VWDE: variants seen among roughly 807,000 people sequenced by gnomAD.
The protein encoded by VWDE is von Willebrand factor D and EGF domains.
A neutral mutation model predicts 178.4 loss-of-function variants in VWDE; 207 were observed. The ratio of observed to expected loss-of-function variants is 1.16; its 90% CI spans 1.04 to 1.30. The LOEUF (loss-of-function observed/expected upper bound fraction) is 1.30, where lower values mean the gene tolerates loss of function less well. Among genes scored for constraint, VWDE ranks in the 50% most tolerant of loss-of-function variants. The pLI, the probability that VWDE is intolerant of heterozygous loss-of-function variation, is 0.00. For synonymous variants in VWDE, 738 were observed against 651.4 expected (o/e 1.13, Z -2.02); for missense variants, 2,287 against 1,901.3 (o/e 1.20, Z -3.77).
Position 12,344,320 on chromosome 7 carries a change from A to AT in VWDE, c.3983-31dup, listed in dbSNP as rs767685497. ...ATAAAATAAAGCCCAAGTTTTAGAC[A>AT]TATCAATTACCAAATACAATTTATC... On this transcript the variant is annotated intron_variant, in intron 20 of 28. Transcript: ENST00000275358. 8.4e-6 allele frequency: 13 copies of AT among 1,550,294 alleles called. No individual in the cohort carries two copies. In the Admixed American group the frequency reaches 2.6e-4, roughly 30 times the overall value.
At chr7:12,382,370 T>C (rs948223797) in intron 4 of VWDE, among the ~76,000 whole-genome samples, 3 of 151,876 alleles carry the variant, frequency 2.0e-5, no homozygotes, top group Non-Finnish European at 2.9e-5. Context: ...TATTGTTTTA[T>C]TACTTTGTGA....
At chr7:12,391,146 A>G (rs1331135676) in intron 2 of VWDE, among the ~76,000 whole-genome samples, 4 of 152,234 alleles carry the variant, frequency 2.6e-5, no homozygotes, top group Non-Finnish European at 5.9e-5. Context: ...GAACATTACG[A>G]AATATAAATA....
rs148212383 is a variant in VWDE, at chr7:12,353,489, A to T, written c.3746-1776T>A. Reference sequence around the variant, plus strand: ...ACACACCCATTCACTAAAATCAAACACTTAAAACTTAATGAATCTCTTTCT... The same window carrying T: ...ACACACCCATTCACTAAAATCAAACTCTTAAAACTTAATGAATCTCTTTCT... On this transcript the variant is annotated intron_variant, in intron 18 of 28. Coordinates refer to ENST00000275358, the MANE Select transcript of VWDE (RefSeq NM_001135924.3). 3.4e-3 allele frequency among the ~76,000 whole-genome samples: 524 copies of T among 152,288 alleles called. 2 individuals carry two copies. The highest frequency in any genetic ancestry group is 6.1e-3 in the Non-Finnish European group (416 of 68,030).
intron 19 of VWDE, among the ~76,000 whole-genome samples, chr7:12,350,884 T>G (rs1435643337): frequency 6.6e-6 from 1 of 151,916 alleles, no homozygotes; most frequent in Non-Finnish European, 1.5e-5. Context: ...GACAAGAAAG[T>G]AAATAAGAAT....
intron 1 of VWDE, among the ~76,000 whole-genome samples, chr7:12,397,741 A>T (rs1241790687): frequency 6.6e-6 from 1 of 152,202 alleles, no homozygotes; most frequent in African/African-American, 2.4e-5. Flanking sequence ...CCCATTGAAA[A>T]GTGGGCAAAA....
At chr7:12,354,338 A>AG in intron 18 of VWDE, 1 of 414,004 alleles carries the variant, frequency 2.4e-6, no homozygotes, top group East Asian at 7.3e-5. Context: ...AGCAGAAAAT[A>AG]GAAACTTTTA....
chr7:12,380,680 C>A lies in VWDE; in HGVS notation c.595G>T (p.Val199Leu). 2 of 1,552,012 alleles carry A rather than the reference C, an allele frequency of 1.3e-6. No individual in the cohort carries two copies. Among genetic ancestry groups the A allele is most frequent in the Non-Finnish European group, 8.7e-7 (1 of 1,147,060 alleles). The change falls in exon 5 of 29, where the codon GTG becomes TTG. Residue 199 changes from valine (V) to leucine (L), a missense_variant. By Grantham distance (32) the Val-to-Leu change is conservative. Coordinates refer to ENST00000275358, the MANE Select transcript of VWDE (RefSeq NM_001135924.3). ...PPPAGRPEVLVELIESRLFCR... is the reference protein window; with the variant it reads ...PPPAGRPEVLLELIESRLFCR... ...AAAAGCCTGGACTCAATCAACTCCA[C>A]CAGAACCTCTGGCCTTCCTGCAGGT...
At chr7:12,386,028 G>T (rs2128560022) in intron 3 of VWDE, among the ~76,000 whole-genome samples, 1 of 152,154 alleles carries the variant, frequency 6.6e-6, no homozygotes, top group African/African-American at 2.4e-5. Flanking sequence ...GTGGTGAAGT[G>T]ATTATTTGTA....
At chr7:12,393,982 T>C (rs1470042376) in intron 1 of VWDE, among the ~76,000 whole-genome samples, 1 of 152,106 alleles carries the variant, frequency 6.6e-6, no homozygotes, top group African/African-American at 2.4e-5. Flanking sequence ...GATAAACAAA[T>C]CAACAAAACT....
rs1288142639 is a variant in VWDE at position 12,370,110 on chromosome 7, TG to T, written c.2195del (p.Thr732AsnfsTer11). On this transcript the variant is annotated frameshift_variant, in exon 12 of 29. Coordinates refer to ENST00000275358, the MANE Select transcript of VWDE (RefSeq NM_001135924.3). LOFTEE classifies it high-confidence loss of function. Reference protein sequence around the residue: ...SLQYLANKKYTQGRGSHSQEM... With the variant: ...SLQYLANKKYXQGRGSHSQEM... ...CTTGGCTGTGGCTTCCCCGGCCTTG[TG>T]TATATTTCTTATTGGCCAAATATTG... The T allele has an allele frequency of 6.4e-7, 1 of 1,551,472 alleles. No individual in the cohort carries two copies. Among genetic ancestry groups the T allele is most frequent in the East Asian group, 2.4e-5 (1 of 40,928 alleles).
chr7:12,395,946 G>T (rs1784600797), intron 1 of VWDE, among the ~76,000 whole-genome samples: 1 of 151,938 alleles, frequency 6.6e-6, no homozygotes, highest in South Asian at 2.1e-4. Flanking sequence ...GATATACAGA[G>T]CTTTCTGGCA....
chr7:12,351,859 A>C, intron 18 of VWDE, 146 bp from the exon 19 acceptor site: 1 of 682,122 alleles, frequency 1.5e-6, no homozygotes, highest in Non-Finnish European at 2.3e-6. Context: ...TCTCTTCTGC[A>C]CACTTTTCTG....
intron 19 of VWDE, 52 bp from the exon 20 acceptor site, chr7:12,344,521 A>T (rs1404384382): frequency 7.2e-7 from 1 of 1,390,412 alleles, no homozygotes; most frequent in Admixed American, 2.1e-5. Context: ...GAACATACAT[A>T]TTGCTCAGAG....
chr7:12,397,001 C>A (rs1784658682), intron 1 of VWDE, among the ~76,000 whole-genome samples: 1 of 151,684 alleles, frequency 6.6e-6, no homozygotes, highest in African/African-American at 2.4e-5. Context: ...CCTAAGCAAT[C>A]TAAAGAATCA....
chr7:12,403,190 A>C (rs765020006), intron 1 of VWDE, among the ~76,000 whole-genome samples: 10 of 152,230 alleles, frequency 6.6e-5, no homozygotes, highest in Non-Finnish European at 1.2e-4. Flanking sequence ...ACAAAACTTA[A>C]CTTGGTGATT....
Position 12,357,126 on chromosome 7 carries a change from C to T in VWDE, c.3525+139G>A, listed in dbSNP as rs73678119. ...TTCTTACAAAGAATAGTCAAAGTTT[C>T]GGCAGTTTAATTTTCCATACAATGT... On this transcript the variant is annotated intron_variant, in intron 17 of 28. Coordinates refer to ENST00000275358, the MANE Select transcript of VWDE (RefSeq NM_001135924.3). 4.0e-3 allele frequency: 4,415 copies of T among 1,106,810 alleles called. 111 individuals carry two copies. The African/African-American group carries it at 0.06, about 15-fold the overall frequency. The allele number at this position is 1,106,810 out of a possible 1,614,324, so 68.6% of individuals were successfully genotyped here.
At position 12,390,415 on chromosome 7, in the gene VWDE, G is replaced by A. The variant is rs752855650; in HGVS notation, c.244-1057C>T. On this transcript the variant is annotated intron_variant, in intron 2 of 28. Coordinates refer to ENST00000275358, the MANE Select transcript of VWDE (RefSeq NM_001135924.3). ...AGTGCCATAGTGAGGTATAGATAAA[G>A]TAATGTATATAATGCAACTTCTACA... Among the ~76,000 whole-genome samples the A allele has an allele frequency of 5.9e-5, 9 of 151,828 alleles. 1 individual carries two copies. Among genetic ancestry groups the A allele is most frequent in the Admixed American group, 3.3e-4 (5 of 15,236 alleles).
intron 5 of VWDE, among the ~76,000 whole-genome samples, chr7:12,380,180 T>C (rs913814812): frequency 1.3e-5 from 2 of 151,500 alleles, no homozygotes; most frequent in African/African-American, 2.4e-5. Flanking sequence ...TAAACGTATA[T>C]AATTTTAAAA....
At chr7:12,354,472 T>C in intron 18 of VWDE, 1 of 380,310 alleles carries the variant, frequency 2.6e-6, no homozygotes. Flanking sequence ...ATCAACATCT[T>C]CCTGGCAATT....
Sources: gnomAD v4.1 joint callset for allele counts (sites outside exome capture counted in the v4.1 genomes callset) on GRCh38, gnomAD v4.1.1 for gene constraint, MANE v1.5 for transcripts, NCBI Gene and HGNC (gene_info 2026-07-23, HGNC 2026-07-21) for gene names.